Variants in GRM7 observed in about 807,000 individuals in gnomAD.
GRM7 encodes metabotropic glutamate receptor 7.
A neutral mutation model predicts 84.5 loss-of-function variants in GRM7; 35 were observed. That is an observed-to-expected ratio of 0.41 (90% CI 0.32 to 0.55). The LOEUF is 0.55. GRM7 is among the 20% of genes least tolerant of loss of function. The pLI, the probability that GRM7 is intolerant of heterozygous loss-of-function variation, is 0.19. For synonymous variants in GRM7, 487 were observed against 455.1 expected (o/e 1.07, Z -0.89); for missense variants, 1,003 against 1,194.6 (o/e 0.84, Z 2.36).
chr3:7,053,076 G>GT (rs74673256), intron 1 of GRM7, among the ~76,000 whole-genome samples: 4,982 of 138,142 alleles, frequency 0.036, 259 homozygotes, highest in African/African-American at 0.12. Flanking sequence ...TTTTTCTTGG[G>GT]TTTTTTTTTT....
In GRM7 at chr3:7,461,523, C is replaced by G; in HGVS notation, c.1376-60C>G. 3.6e-6 allele frequency: 5 copies of G among 1,397,840 alleles called. 1 individual carries two copies. The South Asian group carries it at 5.8e-5, about 16-fold the overall frequency. 86.6% of individuals were successfully genotyped at this position (1,397,840 alleles called of 1,614,324 possible). A position where few individuals can be genotyped will look rare whatever the true frequency, so the allele number is the denominator to read the frequency against. ...AGTCTCTAGCCTGTCACCCATAGTA[C>G]AAGAGATATAAGGAATCTTGTTTAA... is the stretch of plus-strand genomic sequence containing the variant. On this transcript the variant is annotated intron_variant, in intron 6 of 9. Coordinates refer to ENST00000357716, the MANE Select transcript of GRM7 (RefSeq NM_000844.4).
intron 2 of GRM7, among the ~76,000 whole-genome samples, chr3:7,176,591 G>A (rs1695159088): frequency 6.6e-6 from 1 of 152,180 alleles, no homozygotes; most frequent in African/African-American, 2.4e-5. Flanking sequence ...CATATATTAA[G>A]TAATTTTTAA....
chr3:7,484,526 C>T lies in GRM7; in HGVS notation c.1515+22804C>T, dbSNP rs138025361. Reference sequence around the variant, plus strand: ...TGTAAGAACCATGGAGTAGAAATTACATCACTCTAAACCCCTGATTGTAAA... The same window carrying T: ...TGTAAGAACCATGGAGTAGAAATTATATCACTCTAAACCCCTGATTGTAAA... On this transcript the variant is annotated intron_variant, in intron 7 of 9. Transcript: ENST00000357716. 9.6e-4 allele frequency among the ~76,000 whole-genome samples: 146 copies of T among 152,232 alleles called. 1 individual carries two copies. Among genetic ancestry groups the T allele is most frequent in the African/African-American group, 3.3e-3 (137 of 41,538 alleles).
chr3:7,276,820 G>GT (rs1699089649), intron 2 of GRM7, among the ~76,000 whole-genome samples: 1 of 100,862 alleles, frequency 9.9e-6, no homozygotes, highest in East Asian at 2.9e-4. Flanking sequence ...GTGGTGGCAT[G>GT]TTGTTGTACA....
chr3:7,159,425 C>T (rs1694554560), intron 2 of GRM7, among the ~76,000 whole-genome samples: 1 of 152,078 alleles, frequency 6.6e-6, no homozygotes. Flanking sequence ...CTTATTTTCC[C>T]CCAGAGTGAA....
chr3:7,412,331 G>C (rs1695975412), intron 4 of GRM7, among the ~76,000 whole-genome samples: 1 of 152,136 alleles, frequency 6.6e-6, no homozygotes, highest in Non-Finnish European at 1.5e-5. Context: ...GTTGCCACAG[G>C]AAGCGCCATC....
At chr3:7,639,027 ATTTCCTAAT>A (rs1194649682) in intron 8 of GRM7, among the ~76,000 whole-genome samples, 1 of 152,050 alleles carries the variant, frequency 6.6e-6, no homozygotes, top group Non-Finnish European at 1.5e-5. Context: ...ATTATTTTCC[ATTTCCTAAT>A]TTGCTTGACC....
At chr3:7,384,932 T>A (rs979564491) in intron 4 of GRM7, among the ~76,000 whole-genome samples, 1 of 152,198 alleles carries the variant, frequency 6.6e-6, no homozygotes, top group African/African-American at 2.4e-5. Flanking sequence ...ATCTTACAAA[T>A]ACATTTTAAA....
chr3:7,260,385 C>T (rs1258195716), intron 2 of GRM7, among the ~76,000 whole-genome samples: 2 of 151,936 alleles, frequency 1.3e-5, no homozygotes, highest in Non-Finnish European at 2.9e-5. Flanking sequence ...AACGGTATTG[C>T]CTAGGTTGCC....
chr3:7,305,947 C>T (rs1700180114), intron 3 of GRM7, among the ~76,000 whole-genome samples: 1 of 152,098 alleles, frequency 6.6e-6, no homozygotes, highest in African/African-American at 2.4e-5. Flanking sequence ...TATTTGCTCC[C>T]ATTGTCCTGA....
intron 1 of GRM7, among the ~76,000 whole-genome samples, chr3:6,979,388 T>C (rs1467950466): frequency 1.3e-5 from 2 of 152,160 alleles, no homozygotes; most frequent in Admixed American, 1.3e-4. Context: ...GTGTTCACCA[T>C]GACGCTTAGA....
chr3:7,441,244 T>A (rs953101131), intron 5 of GRM7, among the ~76,000 whole-genome samples: 2 of 152,176 alleles, frequency 1.3e-5, no homozygotes, highest in Non-Finnish European at 2.9e-5. Flanking sequence ...ATTAGTGATG[T>A]TGAGCATTTT....
intron 2 of GRM7, among the ~76,000 whole-genome samples, chr3:7,258,513 G>A (rs1360425442): frequency 6.6e-6 from 1 of 152,200 alleles, no homozygotes; most frequent in East Asian, 1.9e-4. Flanking sequence ...CCGTCTAAAA[G>A]TAGTAGCCAC....
chr3:7,550,577 CTG>C (rs369817211), intron 7 of GRM7, among the ~76,000 whole-genome samples: 1,415 of 52,946 alleles, frequency 0.027, 17 homozygotes, highest in Admixed American at 0.063. Flanking sequence ...CTCTCTCTCT[CTG>C]TGTGTGTGTG....
rs913770980 is a variant in GRM7 at position 7,031,105 on chromosome 3, C to T, written c.520-115347C>T. 1.1e-4 allele frequency among the ~76,000 whole-genome samples: 16 copies of T among 151,944 alleles called. No homozygotes were observed. The East Asian group carries it at 2.3e-3, about 22-fold the overall frequency. ...TAGAAAAAAAGTGTGAAATAAATACCGTTCTCCTCATTTTACAAATGTAAA... is the reference window on the plus strand; with the variant it reads ...TAGAAAAAAAGTGTGAAATAAATACTGTTCTCCTCATTTTACAAATGTAAA... On this transcript the variant is annotated intron_variant, in intron 1 of 9. Coordinates refer to ENST00000357716, the MANE Select transcript of GRM7 (RefSeq NM_000844.4).
At chr3:7,569,153 C>T (rs751061726) in intron 7 of GRM7, among the ~76,000 whole-genome samples, 1 of 152,154 alleles carries the variant, frequency 6.6e-6, no homozygotes, top group Non-Finnish European at 1.5e-5. Flanking sequence ...GGTTTAGAAA[C>T]ACACCAATCA....
rs1284407219 is a variant in GRM7, at chr3:7,360,149, G to C, written c.1033+53497G>C. Among the ~76,000 whole-genome samples, 2 of 134,672 alleles carry C rather than the reference G, an allele frequency of 1.5e-5. 1 individual carries two copies. The highest frequency in any genetic ancestry group is 7.0e-5 in the African/African-American group (2 of 28,488). The allele number at this position is 134,672 out of a possible 152,430, so 88.4% of individuals were successfully genotyped here. A position where few individuals can be genotyped will look rare whatever the true frequency, so the allele number is the denominator to read the frequency against. On this transcript the variant is annotated intron_variant, in intron 4 of 9. Transcript: ENST00000357716. ...CTTTTTTTTCCCTCTGTGTGTGTGTGTGTGTGTGTGTGTGTGTGTGTGTGA... is the reference window on the plus strand; with the variant it reads ...CTTTTTTTTCCCTCTGTGTGTGTGTCTGTGTGTGTGTGTGTGTGTGTGTGA...
intron 7 of GRM7, among the ~76,000 whole-genome samples, chr3:7,504,837 C>A (rs181492205): frequency 1.3e-5 from 2 of 152,240 alleles, no homozygotes; most frequent in Admixed American, 1.3e-4. Flanking sequence ...AATTAATGTC[C>A]TTCTTACATG....
intron 4 of GRM7, among the ~76,000 whole-genome samples, chr3:7,396,197 A>G (rs1695207087): frequency 6.6e-6 from 1 of 152,104 alleles, no homozygotes; most frequent in Admixed American, 6.6e-5. Context: ...AAAACAAAAA[A>G]TTTCCCAGTA....
Sources: allele counts gnomAD v4.1 joint callset (sites outside exome capture counted in the v4.1 genomes callset), GRCh38; gene constraint gnomAD v4.1.1; transcripts MANE v1.5; gene names NCBI Gene and HGNC (gene_info 2026-07-23, HGNC 2026-07-21).